Variants in CEP162 observed in about 807,000 individuals in gnomAD.
CEP162 encodes centrosomal protein of 162 kDa.
A neutral mutation model predicts 169.2 loss-of-function variants in CEP162; 141 were observed. That is an observed-to-expected ratio of 0.83 (90% confidence interval 0.73 to 0.96). CEP162 has a LOEUF of 0.96. Among genes scored for constraint, CEP162 ranks in the 40% least tolerant of loss-of-function variants. The pLI is 0.00. For synonymous variants in CEP162, 540 were observed against 526.4 expected, an observed-to-expected ratio of 1.03 and a Z score of -0.35; for missense variants, 1,600 against 1,587.2, an observed-to-expected ratio of 1.01 and a Z score of -0.14.
intron 9 of CEP162, among the ~76,000 whole-genome samples, chr6:84,198,940 T>C (rs984789743): frequency 6.6e-6 from 1 of 152,222 alleles, no homozygotes; most frequent in East Asian, 1.9e-4. Flanking sequence ...GTACCATTTA[T>C]GTAACTGTAA....
At chr6:84,226,555 C>T (rs1199363936) in intron 1 of CEP162, 103 bp from the exon 2 acceptor site, 1 of 596,902 alleles carries the variant, frequency 1.7e-6, no homozygotes, top group African/African-American at 1.9e-5. Context: ...TATATATGCA[C>T]AATTTTTTTT....
In CEP162 at chr6:84,152,723, G is replaced by T. The variant is rs1159218338; in HGVS notation, c.3451C>A (p.Pro1151Thr). The change falls in exon 23 of 27, where the codon CCT becomes ACT. Residue 1151 changes from proline (P) to threonine (T), a missense_variant. Pro to Thr is a conservative substitution (Grantham distance 38). Transcript: ENST00000403245. ...HSSKGNANSF[P>T]GTLDSKLYQP... Reference sequence around the variant, plus strand: ...TACAGCTTGCTGTCCAGGGTTCCAGGGAAGGAGTTAGCATTTCCTTTACTT... The same window carrying T: ...TACAGCTTGCTGTCCAGGGTTCCAGTGAAGGAGTTAGCATTTCCTTTACTT... 1 of 1,613,204 alleles carries T rather than the reference G, an allele frequency of 6.2e-7. No homozygotes were observed. The highest frequency in any genetic ancestry group is 8.5e-7 in the Non-Finnish European group (1 of 1,179,590).
chr6:84,197,650 T>C (rs988484489), intron 9 of CEP162, among the ~76,000 whole-genome samples: 1 of 149,118 alleles, frequency 6.7e-6, no homozygotes, highest in Non-Finnish European at 1.5e-5. Context: ...TCGTCTCCAC[T>C]AAAAAAAAAT....
At chr6:84,203,184 G>A (rs1353142879) in intron 7 of CEP162, among the ~76,000 whole-genome samples, 1 of 152,172 alleles carries the variant, frequency 6.6e-6, no homozygotes, top group African/African-American at 2.4e-5. Flanking sequence ...GTAAGAACTG[G>A]GAAATGTGAG....
intron 7 of CEP162, among the ~76,000 whole-genome samples, chr6:84,202,355 A>G (rs1388875979): frequency 6.6e-6 from 1 of 152,034 alleles, no homozygotes; most frequent in Non-Finnish European, 1.5e-5. Flanking sequence ...ACCTTCCAAT[A>G]ACAGAGCTTT....
chr6:84,128,477 A>C (rs1436884298), intron 25 of CEP162, among the ~76,000 whole-genome samples: 1 of 152,152 alleles, frequency 6.6e-6, no homozygotes, highest in Non-Finnish European at 1.5e-5. Flanking sequence ...AATGATTAAT[A>C]AGAGCCTGAG....
Position 84,174,074 on chromosome 6 carries a change from CT to C in CEP162, c.2139del (p.Glu714ArgfsTer18). 1 of 1,612,848 alleles carries C rather than the reference CT, an allele frequency of 6.2e-7. No individual in the cohort carries two copies. ...TGTTGATATCCTTGAAGAAGTGTCT[CT>C]TGTTCTTGTATTTCTTTTTGGATTT... ...LKQIQKEIQE[Q>X]ETLLQGYQQE... is the part of the protein sequence containing the mutation. On this transcript the variant is annotated frameshift_variant, in exon 16 of 27. Coordinates refer to ENST00000403245, the MANE Select transcript of CEP162 (RefSeq NM_014895.4). LOFTEE classifies it high-confidence loss of function.
At chr6:84,154,495 C>T (rs776806866) in intron 22 of CEP162, among the ~76,000 whole-genome samples, 16 of 152,068 alleles carry the variant, frequency 1.1e-4, no homozygotes, top group Non-Finnish European at 1.9e-4. Context: ...TATCAACCTT[C>T]TACTGTTTCT....
chr6:84,199,527 G>A (rs1241624350), intron 9 of CEP162, among the ~76,000 whole-genome samples: 2 of 144,164 alleles, frequency 1.4e-5, no homozygotes, highest in African/African-American at 5.3e-5. Flanking sequence ...TTTTCTATAG[G>A]TATACTATAT....
intron 13 of CEP162, among the ~76,000 whole-genome samples, chr6:84,183,011 C>T (rs950508419): frequency 3.3e-5 from 5 of 151,950 alleles, no homozygotes; most frequent in African/African-American, 1.2e-4. Context: ...CTGAATAAAA[C>T]TAAAACTTCT....
chr6:84,198,578 C>G (rs893612964), intron 9 of CEP162, among the ~76,000 whole-genome samples: 1 of 152,152 alleles, frequency 6.6e-6, no homozygotes, highest in African/African-American at 2.4e-5. Context: ...TTGCACCTAG[C>G]TGAAGACTTT....
chr6:84,142,884 T>G (rs552777090), intron 25 of CEP162, among the ~76,000 whole-genome samples: 1 of 152,102 alleles, frequency 6.6e-6, no homozygotes, highest in South Asian at 2.1e-4. Context: ...AACCTGCATG[T>G]GTTGTAAAAA....
rs781716509 is a variant in CEP162, at chr6:84,185,448, T to A, written c.1402A>T (p.Thr468Ser). 1 of 1,611,130 alleles carries A rather than the reference T, an allele frequency of 6.2e-7. No homozygotes were observed. The highest frequency in any genetic ancestry group is 1.1e-5 in the South Asian group (1 of 90,882). Residue 468 changes from threonine (T) to serine (S), a missense_variant and splice_region_variant, in exon 13 of 27, where the codon ACT (threonine) becomes TCT (serine). Transcript: ENST00000403245. The stretch of plus-strand genomic sequence containing the variant: ...TCAGAACTAAGTTGAGATCTGTAAG[T>A]CTGTACACAACAAACAAAAGCTCTT... ...SLSQDDKINKTYRSQLSSEEE... is the reference protein window; with the variant it reads ...SLSQDDKINKSYRSQLSSEEE...
intron 2 of CEP162, among the ~76,000 whole-genome samples, chr6:84,223,289 A>C (rs2099554460): frequency 6.6e-6 from 1 of 151,624 alleles, no homozygotes; most frequent in South Asian, 2.1e-4. Context: ...TCACGAGGTC[A>C]GGAGTTTGAG....
At chr6:84,142,451 G>A (rs183853886) in intron 25 of CEP162, among the ~76,000 whole-genome samples, 44 of 151,944 alleles carry the variant, frequency 2.9e-4, no homozygotes, top group Non-Finnish European at 1.0e-4. Flanking sequence ...ACCTTTGGAC[G>A]GTATTGTCAA....
intron 25 of CEP162, among the ~76,000 whole-genome samples, chr6:84,132,877 T>G (rs928962519): frequency 1.3e-5 from 2 of 152,120 alleles, no homozygotes; most frequent in African/African-American, 4.8e-5. Flanking sequence ...TGGTCCAGCT[T>G]TATTCCAAAG....
chr6:84,181,006 A>G (rs1183156843), intron 13 of CEP162, among the ~76,000 whole-genome samples: 2 of 152,198 alleles, frequency 1.3e-5, no homozygotes, highest in Non-Finnish European at 2.9e-5. Context: ...TTTAAAGTTC[A>G]TATGGAACCA....
intron 25 of CEP162, among the ~76,000 whole-genome samples, chr6:84,131,363 T>A (rs1435907369): frequency 6.6e-6 from 1 of 152,220 alleles, no homozygotes; most frequent in Non-Finnish European, 1.5e-5. Context: ...TTATTAGGTC[T>A]GCTTGGTGCA....
intron 16 of CEP162, among the ~76,000 whole-genome samples, chr6:84,173,655 G>C (rs539506640): frequency 2.1e-4 from 31 of 149,908 alleles, no homozygotes; most frequent in African/African-American, 7.4e-4. Context: ...ACCATTATCT[G>C]TTAAATAAGC....
Sources: allele counts gnomAD v4.1 joint callset (sites outside exome capture counted in the v4.1 genomes callset), GRCh38; gene constraint gnomAD v4.1.1; transcripts MANE v1.5; gene names NCBI Gene and HGNC (gene_info 2026-07-23, HGNC 2026-07-21).